The following POTEE variants were observed in gnomAD, a reference collection of about 807,000 sequenced individuals.
POTEE encodes the protein POTE ankyrin domain family member E.
A neutral mutation model predicts 74.2 loss-of-function variants in POTEE; 21 were observed. The observed-to-expected ratio is 0.28, with a 90% CI of 0.20 to 0.41. POTEE has a LOEUF of 0.41. Among genes scored for constraint, POTEE ranks in the 10% least tolerant of loss-of-function variants. The probability of loss-of-function intolerance (pLI) is 1.00; values close to 1 mark genes in which losing one functional copy is unlikely to be tolerated. For missense variants in POTEE, 525 were observed against 1,158.6 expected, an observed-to-expected ratio of 0.45 and a Z score of 7.94; for synonymous variants, 211 against 432.8, an observed-to-expected ratio of 0.49 and a Z score of 6.36.
chr2:131,210,742 C>T (rs1310151669), intron 1 of POTEE, among the ~76,000 whole-genome samples: 1 of 148,714 alleles, frequency 6.7e-6, no homozygotes, highest in African/African-American at 2.5e-5. Flanking sequence ...CGGGAACCAG[C>T]AGTTGAGTGG....
intron 4 of POTEE, among the ~76,000 whole-genome samples, chr2:131,222,256 C>G (rs1429352237): frequency 2.0e-5 from 3 of 152,216 alleles, no homozygotes; most frequent in Non-Finnish European, 2.9e-5. Context: ...ATGTCCTTTG[C>G]AGGGACATGG....
chr2:131,210,216 C>T (rs1378870694), intron 1 of POTEE, among the ~76,000 whole-genome samples: 2 of 110,578 alleles, frequency 1.8e-5, no homozygotes, highest in East Asian at 2.7e-4. Flanking sequence ...TCAGGAGCTG[C>T]GCTACCTGTG....
intron 4 of POTEE, among the ~76,000 whole-genome samples, chr2:131,220,832 A>G (rs6712550): frequency 0.038 from 5,708 of 151,380 alleles, 378 homozygotes; most frequent in African/African-American, 0.13. Flanking sequence ...ATGGTGGCAC[A>G]CACCTGTAAT....
chr2:131,231,961 C>G (rs890233938), intron 9 of POTEE, among the ~76,000 whole-genome samples: 2 of 152,092 alleles, frequency 1.3e-5, no homozygotes, highest in African/African-American at 4.8e-5. Context: ...TAGTTTTGAT[C>G]TTTAAGGTGC....
chr2:131,242,262 CTT>C lies in POTEE; in HGVS notation c.1409+2822_1409+2823del, dbSNP rs1259129989. Among the ~76,000 whole-genome samples the C allele has an allele frequency of 5.2e-5, 2 of 38,674 alleles. 1 individual carries two copies. 25.4% of individuals were successfully genotyped at this position (38,674 alleles called of 152,430 possible). A position where few individuals can be genotyped will look rare whatever the true frequency, so the allele number is the denominator to read the frequency against. On this transcript the variant is annotated intron_variant, in intron 12 of 17. Coordinates refer to ENST00000683005, the MANE Select transcript of POTEE (RefSeq NM_001083538.3). ...AGCCACTGCACCCGGCCCCTCATGACTTTTTCTGTTGTGTATATGCTAGTGAT... is the reference window on the plus strand; with the variant it reads ...AGCCACTGCACCCGGCCCCTCATGACTTTCTGTTGTGTATATGCTAGTGAT...
At chr2:131,235,993 A>C (rs928156692) in intron 9 of POTEE, among the ~76,000 whole-genome samples, 2 of 152,058 alleles carry the variant, frequency 1.3e-5, no homozygotes, top group African/African-American at 4.8e-5. Context: ...GATTTCATTT[A>C]GGTTCGCAAC....
At chr2:131,220,472 G>C (rs1190229019) in intron 4 of POTEE, among the ~76,000 whole-genome samples, 1 of 151,280 alleles carries the variant, frequency 6.6e-6, no homozygotes. Flanking sequence ...CCCAAGTGCT[G>C]GGGTTACAGG....
At chr2:131,237,580 A>T (rs1462986569) in intron 10 of POTEE, among the ~76,000 whole-genome samples, 4 of 151,520 alleles carry the variant, frequency 2.6e-5, no homozygotes, top group African/African-American at 9.7e-5. Context: ...AGAATATATT[A>T]GAACTGGACT....
intron 2 of POTEE, among the ~76,000 whole-genome samples, chr2:131,212,388 G>C (rs1002494671): frequency 3.3e-5 from 5 of 151,580 alleles, no homozygotes; most frequent in African/African-American, 1.2e-4. Context: ...TGCGTTATAA[G>C]TAGTTATTCA....
chr2:131,230,184 T>C (rs1433342271), intron 8 of POTEE, among the ~76,000 whole-genome samples: 1 of 152,168 alleles, frequency 6.6e-6, no homozygotes, highest in Non-Finnish European at 1.5e-5. Flanking sequence ...TGAATAAATT[T>C]AGTTACAAAC....
chr2:131,219,809 T>TA (rs1700559616), intron 4 of POTEE, among the ~76,000 whole-genome samples: 2 of 152,072 alleles, frequency 1.3e-5, no homozygotes, highest in Non-Finnish European at 2.9e-5. Flanking sequence ...ATAGCAAAGT[T>TA]TTAGCGTTTT....
chr2:131,210,334 TGG>T (rs775208810), intron 1 of POTEE, among the ~76,000 whole-genome samples: 702 of 24,168 alleles, frequency 0.029, no homozygotes, highest in Admixed American at 0.055. Context: ...AAGGGGTGGT[TGG>T]GGGGGGGTAT....
chr2:131,210,153 G>T (rs1700326899), intron 1 of POTEE, among the ~76,000 whole-genome samples: 1 of 146,390 alleles, frequency 6.8e-6, no homozygotes, highest in Non-Finnish European at 1.5e-5. Context: ...GGCAGCGGGG[G>T]GTGGTTTAGG....
chr2:131,226,685 G>C, intron 6 of POTEE, 138 bp from the exon 7 acceptor site: 1 of 1,351,442 alleles, frequency 7.4e-7, no homozygotes, highest in Non-Finnish European at 1.0e-6. Flanking sequence ...AAGCACAGAA[G>C]AGTGAGAAGG....
At chr2:131,210,219 T>G (rs1412243152) in intron 1 of POTEE, among the ~76,000 whole-genome samples, 7 of 110,634 alleles carry the variant, frequency 6.3e-5, no homozygotes, top group African/African-American at 2.6e-4. Context: ...GGAGCTGCGC[T>G]ACCTGTGGTG....
intron 4 of POTEE, among the ~76,000 whole-genome samples, chr2:131,219,513 T>C (rs1266723364): frequency 6.6e-6 from 1 of 152,066 alleles, no homozygotes; most frequent in East Asian, 1.9e-4. Flanking sequence ...GGCGGGCGGA[T>C]CACGAGGTCA....
intron 8 of POTEE, among the ~76,000 whole-genome samples, chr2:131,228,845 G>T (rs1408547620): frequency 6.9e-6 from 1 of 145,380 alleles, no homozygotes; most frequent in African/African-American, 2.9e-5. Flanking sequence ...TCAGAAGGAG[G>T]AGGAAAAAAG....
chr2:131,258,543 T>C (rs1357506380), intron 16 of POTEE, among the ~76,000 whole-genome samples: 1 of 151,774 alleles, frequency 6.6e-6, no homozygotes, highest in Non-Finnish European at 1.5e-5. Flanking sequence ...CACTTTTTTC[T>C]CTGTACAATA....
rs1327504385 is a variant in POTEE, at chr2:131,211,199, C to T, written c.-189+16C>T. On this transcript the variant is annotated intron_variant, in intron 2 of 17. Coordinates refer to ENST00000683005, the MANE Select transcript of POTEE (RefSeq NM_001083538.3). The stretch of plus-strand genomic sequence containing the variant: ...GACAGGAGTGGTAGGAGGGTGCCCG[C>T]GGGGGCAAGGTGGTAGGAACCTTGT... 1.2e-4 allele frequency among the ~76,000 whole-genome samples: 18 copies of T among 151,908 alleles called. No homozygotes were observed. Among genetic ancestry groups the T allele is most frequent in the Non-Finnish European group, 2.5e-4 (17 of 68,016 alleles).
Sources: gnomAD v4.1 joint callset for allele counts (sites outside exome capture counted in the v4.1 genomes callset) on GRCh38, gnomAD v4.1.1 for gene constraint, MANE v1.5 for transcripts, NCBI Gene and HGNC (gene_info 2026-07-23, HGNC 2026-07-21) for gene names.